The following SYT14 variants were observed in gnomAD, a reference collection of about 807,000 sequenced individuals.
SYT14 encodes the protein synaptotagmin 14.
SYT14 carries 32 observed loss-of-function variants against 74.2 expected under a neutral mutation model. The ratio of observed to expected loss-of-function variants is 0.43; its 90% CI spans 0.33 to 0.58. The LOEUF is 0.58. Among genes scored for constraint, SYT14 ranks in the 20% least tolerant of loss-of-function variants. The pLI, the probability that SYT14 is intolerant of heterozygous loss-of-function variation, is 0.05. For synonymous variants in SYT14, 298 were observed against 337.7 expected, an observed-to-expected ratio of 0.88 and a Z score of 1.29; for missense variants, 791 against 981.8, an observed-to-expected ratio of 0.81 and a Z score of 2.60.
exon 10 of SYT14, chr1:210,168,400 A>C (rs1037957858): frequency 6.6e-6 from 1 of 152,148 alleles, no homozygotes; most frequent in Non-Finnish European, 1.5e-5. Context: ...TTGTACTGTT[A>C]GACATTTGAG....
chr1:210,101,394 G>A (rs1383698765), intron 7 of SYT14, among the ~76,000 whole-genome samples: 3 of 151,950 alleles, frequency 2.0e-5, no homozygotes, highest in South Asian at 2.1e-4. Context: ...TGTAAGCTTC[G>A]GTCCAAGTAG....
At chr1:209,969,073 G>T (rs958910738) in intron 2 of SYT14, among the ~76,000 whole-genome samples, 7 of 152,074 alleles carry the variant, frequency 4.6e-5, no homozygotes, top group Admixed American at 2.6e-4. Flanking sequence ...TAGAGGACGT[G>T]ATTTCATTAT....
At chr1:210,102,832 C>T (rs1354184829) in intron 7 of SYT14, among the ~76,000 whole-genome samples, 2 of 151,898 alleles carry the variant, frequency 1.3e-5, no homozygotes, top group African/African-American at 2.4e-5. Flanking sequence ...CAGGTGCACA[C>T]CACCAGGCCT....
At chr1:210,123,749 C>T (rs1385001415) in intron 7 of SYT14, among the ~76,000 whole-genome samples, 2 of 152,072 alleles carry the variant, frequency 1.3e-5, no homozygotes, top group African/African-American at 4.8e-5. Flanking sequence ...AACAGGCAAT[C>T]ATGGCTGAGG....
intron 7 of SYT14, among the ~76,000 whole-genome samples, chr1:210,103,617 A>G (rs533918727): frequency 6.6e-6 from 1 of 152,020 alleles, no homozygotes; most frequent in East Asian, 1.9e-4. Flanking sequence ...TGATCAATGC[A>G]TGATAGAAAA....
At chr1:210,165,655 C>T (rs2083448096) in exon 10 of SYT14, 1 of 152,070 alleles carries the variant, frequency 6.6e-6, no homozygotes, top group African/African-American at 2.4e-5. Context: ...ATGTTTTATT[C>T]TCAATTTTAT....
At chr1:210,171,023 T>C (rs1438287357) in exon 10 of SYT14, 1 of 152,222 alleles carries the variant, frequency 6.6e-6, no homozygotes, top group Non-Finnish European at 1.5e-5. Flanking sequence ...GTTCTTTCAC[T>C]TAATGTGAAT....
At position 210,113,190 on chromosome 1, in the gene SYT14, G is replaced by A. The variant is rs928669351; in HGVS notation, c.2034+12729G>A. Reference sequence around the variant, plus strand: ...GCACTTCGGCTGTGTGTAATGAAAAGGGAGTGATGAGTTAGGGAGAGCTAG... The same window carrying A: ...GCACTTCGGCTGTGTGTAATGAAAAAGGAGTGATGAGTTAGGGAGAGCTAG... On this transcript the variant is annotated intron_variant, in intron 7 of 9. Transcript: ENST00000637265. Among the ~76,000 whole-genome samples, 32 of 151,232 alleles carry A rather than the reference G, an allele frequency of 2.1e-4. 1 individual carries two copies. Among genetic ancestry groups the A allele is most frequent in the African/African-American group, 7.6e-4 (31 of 40,556 alleles).
chr1:210,073,009 T>TA (rs11299416), intron 5 of SYT14, among the ~76,000 whole-genome samples: 4 of 144,280 alleles, frequency 2.8e-5, no homozygotes, highest in Non-Finnish European at 3.1e-5. Flanking sequence ...TTGCAATCTG[T>TA]AAAAAAAAAA....
intron 2 of SYT14, among the ~76,000 whole-genome samples, chr1:209,982,685 A>G (rs2079507552): frequency 6.6e-6 from 1 of 152,234 alleles, no homozygotes. Flanking sequence ...TGTGGATGTA[A>G]GTTTTCAACT....
chr1:210,139,415 G>A (rs1002382), intron 7 of SYT14, among the ~76,000 whole-genome samples: 91,519 of 151,532 alleles, frequency 0.6, 28,853 homozygotes, highest in East Asian at 0.85. Context: ...GAAAACCACT[G>A]GATTAAATTA....
chr1:210,114,604 T>G (rs2082323580), intron 7 of SYT14, among the ~76,000 whole-genome samples: 1 of 151,290 alleles, frequency 6.6e-6, no homozygotes, highest in East Asian at 1.9e-4. Flanking sequence ...GGCCATGAAC[T>G]GGGCTGAGTT....
chr1:210,064,916 G>A lies in SYT14; in HGVS notation c.1313-29406G>A, dbSNP rs527651310. ...AGGGTTCCAATTCCTCCACACCCTCGCCAACACTTGTTATTCCTTGCTTAG... is the reference window on the plus strand; with the variant it reads ...AGGGTTCCAATTCCTCCACACCCTCACCAACACTTGTTATTCCTTGCTTAG... On this transcript the variant is annotated intron_variant, in intron 5 of 9. Coordinates refer to ENST00000637265, the Ensembl canonical transcript of SYT14. Among the ~76,000 whole-genome samples the A allele has an allele frequency of 2.5e-4, 38 of 152,006 alleles. No homozygotes were observed. The South Asian group carries it at 6.6e-3, about 27-fold the overall frequency.
intron 5 of SYT14, among the ~76,000 whole-genome samples, chr1:210,057,476 G>A (rs769208753): frequency 2.6e-5 from 4 of 152,086 alleles, no homozygotes; most frequent in Non-Finnish European, 5.9e-5. Context: ...TATAGACCTC[G>A]GTTGCTTTGG....
At chr1:210,016,770 A>T in exon 4 of SYT14, 1 of 1,231,850 alleles carries the variant, frequency 8.1e-7, no homozygotes, top group South Asian at 4.1e-5. Flanking sequence ...GATTTAGGGC[A>T]TTCAGATCAT....
chr1:209,985,429 C>A (rs1402261664), intron 2 of SYT14, among the ~76,000 whole-genome samples: 1 of 152,222 alleles, frequency 6.6e-6, no homozygotes, highest in Non-Finnish European at 1.5e-5. Context: ...GGGGTGGGCT[C>A]CCAATGCCTT....
At chr1:209,995,742 A>AATCTCAGT (rs2079777692) in intron 2 of SYT14, among the ~76,000 whole-genome samples, 2 of 152,098 alleles carry the variant, frequency 1.3e-5, no homozygotes, top group African/African-American at 4.8e-5. Context: ...TCATAAAACA[A>AATCTCAGT]ATCTCAGTAA....
intron 5 of SYT14, among the ~76,000 whole-genome samples, chr1:210,026,004 G>A (rs1032043891): frequency 4.0e-5 from 6 of 151,840 alleles, no homozygotes; most frequent in Non-Finnish European, 8.8e-5. Context: ...TTATAAATCT[G>A]AAATACACAT....
intron 9 of SYT14, among the ~76,000 whole-genome samples, chr1:210,159,833 C>G (rs988805673): frequency 3.3e-5 from 5 of 151,982 alleles, no homozygotes; most frequent in Admixed American, 2.0e-4. Context: ...TGCTGAAGAT[C>G]ATTTGCATGA....
Sources: gnomAD v4.1 joint callset for allele counts (sites outside exome capture counted in the v4.1 genomes callset) on GRCh38, gnomAD v4.1.1 for gene constraint, MANE v1.5 for transcripts, NCBI Gene and HGNC (gene_info 2026-07-23, HGNC 2026-07-21) for gene names.